The following KIF27 variants were observed in gnomAD, a reference collection of about 807,000 sequenced individuals.
KIF27 encodes the protein kinesin family member 27, also known as kinesin-like protein KIF27.
A neutral mutation model predicts 141.8 loss-of-function variants in KIF27; 84 were observed. The ratio of observed to expected loss-of-function variants is 0.59; its 90% CI spans 0.50 to 0.71. The LOEUF (loss-of-function observed/expected upper bound fraction) is 0.71, where lower values mean the gene tolerates loss of function less well. Among genes scored for constraint, KIF27 ranks in the 30% least tolerant of loss-of-function variants. The probability of loss-of-function intolerance (pLI) is 0.00; values close to 1 mark genes in which losing one functional copy is unlikely to be tolerated. For synonymous variants in KIF27, 471 were observed against 569.5 expected (o/e 0.83, Z 2.46); for missense variants, 1,306 against 1,628.4 (o/e 0.80, Z 3.41).
intron 1 of KIF27, 63 bp from the exon 2 acceptor site, chr9:83,915,741 C>T (rs1254456472): frequency 1.4e-6 from 1 of 701,518 alleles, no homozygotes; most frequent in East Asian, 2.8e-5. Context: ...ATAAACTAAC[C>T]ACCTTCTAAA....
chr9:83,879,572 G>A lies in KIF27; in HGVS notation c.2643+725C>T, dbSNP rs146163225. ...TTCAGCTTAACATTTCAACGGAACA[G>A]AGCCTGGCACATAGTACTAGATAAG... is the stretch of plus-strand genomic sequence containing the variant. On this transcript the variant is annotated intron_variant, in intron 11 of 17. Coordinates refer to ENST00000297814, the MANE Select transcript of KIF27 (RefSeq NM_017576.4). 6.0e-3 allele frequency among the ~76,000 whole-genome samples: 913 copies of A among 152,102 alleles called. 11 individuals are homozygous for A. The highest frequency in any genetic ancestry group is 0.021 in the African/African-American group (867 of 41,458).
intron 2 of KIF27, among the ~76,000 whole-genome samples, chr9:83,911,606 C>T (rs1338330348): frequency 2.6e-5 from 4 of 152,182 alleles, no homozygotes; most frequent in Middle Eastern, 6.8e-3. Flanking sequence ...TGCAGTGGCA[C>T]GATCTCAGCT....
At chr9:83,852,524 G>T (rs1310622875) in intron 15 of KIF27, among the ~76,000 whole-genome samples, 1 of 151,880 alleles carries the variant, frequency 6.6e-6, no homozygotes, top group Non-Finnish European at 1.5e-5. Flanking sequence ...TGCAGCAATA[G>T]GATGCACTCT....
intron 13 of KIF27, chr9:83,863,870 T>C (rs1019495485): frequency 1.3e-5 from 2 of 152,236 alleles, no homozygotes; most frequent in Non-Finnish European, 2.9e-5. Context: ...CATTGGTCTA[T>C]TCAGAGATTC....
intron 11 of KIF27, among the ~76,000 whole-genome samples, chr9:83,878,844 T>C (rs561579181): frequency 6.6e-6 from 1 of 151,878 alleles, no homozygotes; most frequent in Admixed American, 6.6e-5. Flanking sequence ...TTGCACAAGA[T>C]TGTGAATGTA....
Position 83,835,641 on chromosome 9 carries a change from G to A in KIF27, c.*1360C>T, listed in dbSNP as rs1389758660. On this transcript the variant is annotated 3_prime_UTR_variant, in exon 18 of 18. Coordinates refer to ENST00000297814, the MANE Select transcript of KIF27 (RefSeq NM_017576.4). Reference sequence around the variant, plus strand: ...AGCCTTAAGTCTTTGAGCACAGGGTGACAGTTTGGGTCCTATGTGAGATGA... The same window carrying A: ...AGCCTTAAGTCTTTGAGCACAGGGTAACAGTTTGGGTCCTATGTGAGATGA... 6.6e-6 allele frequency: 1 copy of A among 152,114 alleles called. No homozygotes were observed. Among genetic ancestry groups the A allele is most frequent in the Non-Finnish European group, 1.5e-5 (1 of 68,024 alleles). 9.4% of individuals were successfully genotyped at this position (152,114 alleles called of 1,614,324 possible). A position where few individuals can be genotyped will look rare whatever the true frequency, so the allele number is the denominator to read the frequency against.
chr9:83,906,020 C>A (rs879697026), intron 3 of KIF27, among the ~76,000 whole-genome samples: 2 of 152,096 alleles, frequency 1.3e-5, no homozygotes, highest in Non-Finnish European at 2.9e-5. Flanking sequence ...TCAAGTTTAT[C>A]AAGAGTGATG....
At chr9:83,916,492 A>G (rs780117540) in intron 1 of KIF27, among the ~76,000 whole-genome samples, 5 of 152,226 alleles carry the variant, frequency 3.3e-5, no homozygotes, top group Non-Finnish European at 7.3e-5. Flanking sequence ...GTATTCAAAA[A>G]TAATCAAAAC....
chr9:83,838,382 C>T (rs1458597766), intron 17 of KIF27, among the ~76,000 whole-genome samples: 4 of 152,110 alleles, frequency 2.6e-5, no homozygotes, highest in African/African-American at 7.2e-5. Context: ...TACAGGCACC[C>T]GCCACCACGC....
chr9:83,884,835 ACTCT>A (rs1312342269), intron 9 of KIF27, among the ~76,000 whole-genome samples: 1 of 151,960 alleles, frequency 6.6e-6, no homozygotes, highest in Non-Finnish European at 1.5e-5. Flanking sequence ...TCCAAAGCTA[ACTCT>A]CTCCTTTTTC....
intron 1 of KIF27, among the ~76,000 whole-genome samples, chr9:83,917,872 C>T (rs1448843064): frequency 6.6e-6 from 1 of 152,010 alleles, no homozygotes; most frequent in Admixed American, 6.6e-5. Context: ...CTCTTTATGA[C>T]CTTGGATTTG....
chr9:83,858,961 A>G, intron 14 of KIF27, 195 bp downstream of exon 14: 2 of 599,616 alleles, frequency 3.3e-6, no homozygotes, highest in East Asian at 2.8e-5. Context: ...ATGGACCACT[A>G]TGTAAGGATA....
At chr9:83,869,741 A>G (rs373144610) in intron 12 of KIF27, among the ~76,000 whole-genome samples, 1 of 152,086 alleles carries the variant, frequency 6.6e-6, no homozygotes. Context: ...AAAATAAAAT[A>G]TACTCGTCTT....
chr9:83,870,209 C>T (rs1231664639), intron 12 of KIF27, among the ~76,000 whole-genome samples: 1 of 152,038 alleles, frequency 6.6e-6, no homozygotes, highest in African/African-American at 2.4e-5. Context: ...TCTTGTTGCC[C>T]AGTCTGGAGT....
At chr9:83,917,018 A>G (rs1363050506) in intron 1 of KIF27, among the ~76,000 whole-genome samples, 1 of 151,880 alleles carries the variant, frequency 6.6e-6, no homozygotes, top group Non-Finnish European at 1.5e-5. Context: ...GTTCTAGGGT[A>G]CATGTGCACA....
intron 6 of KIF27, 28 bp downstream of exon 6, chr9:83,891,267 A>G (rs754161543): frequency 1.9e-6 from 3 of 1,594,954 alleles, no homozygotes; most frequent in East Asian, 4.5e-5. Flanking sequence ...TTAATCTCCA[A>G]ATAAGGAAAA....
chr9:83,850,257 T>C lies in KIF27; in HGVS notation c.3398A>G (p.Tyr1133Cys), dbSNP rs1055187908. ...LREAERKQQL[Y>C]NEEMKMKVLE... ...AACTTTCATTTTCATTTCTTCATTA[T>C]ATAACTGTTGTTTCCGTTCAGCTTC... Residue 1133 changes from tyrosine (Y) to cysteine (C), a missense_variant, in exon 16 of 18, where the codon TAT (tyrosine) becomes TGT (cysteine). By Grantham distance (194) the Tyr-to-Cys change is radical. Around this residue, in one of 4 missense-constraint regions of KIF27, gnomAD observed 596 missense variants for 751.6 expected, o/e 0.79. Transcript: ENST00000297814. 5 of 1,613,814 alleles carry C rather than the reference T, an allele frequency of 3.1e-6. No individual in the cohort carries two copies. The highest frequency in any genetic ancestry group is 1.1e-5 in the South Asian group (1 of 91,080).
At chr9:83,861,844 T>C (rs1383709044) in intron 13 of KIF27, among the ~76,000 whole-genome samples, 5 of 150,954 alleles carry the variant, frequency 3.3e-5, no homozygotes, top group Non-Finnish European at 3.0e-5. Context: ...GCACCTGTTG[T>C]TTCCTGACTT....
chr9:83,844,134 C>T (rs1163049830), intron 16 of KIF27, among the ~76,000 whole-genome samples: 1 of 152,078 alleles, frequency 6.6e-6, no homozygotes, highest in Non-Finnish European at 1.5e-5. Context: ...CCTAGCCTCC[C>T]AGCCTACATC....
Sources: gnomAD v4.1 joint callset for allele counts (sites outside exome capture counted in the v4.1 genomes callset) on GRCh38, gnomAD v4.1.1 for gene constraint, gnomAD v4.1.1 regional missense constraint, MANE v1.5 for transcripts, NCBI Gene and HGNC (gene_info 2026-07-23, HGNC 2026-07-21) for gene names.